Variants in RNF212B observed in about 807,000 individuals in gnomAD.
The protein encoded by RNF212B is E3 ubiquitin-protein ligase RNF212B.
In RNF212B, 52 loss-of-function variants were observed where a neutral mutation model predicts 55.5. The ratio of observed to expected loss-of-function variants is 0.94; its 90% CI spans 0.75 to 1.18. RNF212B has a LOEUF of 1.18. RNF212B is among the 50% of genes most tolerant of loss of function. The probability of loss-of-function intolerance (pLI) is 0.00; values close to 1 mark genes in which losing one functional copy is unlikely to be tolerated. For synonymous variants in RNF212B, 99 were observed against 121.4 expected (o/e 0.82, Z 1.21); for missense variants, 289 against 350.4 (o/e 0.82, Z 1.40).
intron 2 of RNF212B, among the ~76,000 whole-genome samples, chr14:23,222,904 A>G (rs1881688142): frequency 6.6e-6 from 1 of 152,014 alleles, no homozygotes; most frequent in Non-Finnish European, 1.5e-5. Flanking sequence ...AATACAAAAA[A>G]TTAGCCGGGC....
chr14:23,254,194 A>T (rs1424531063), intron 4 of RNF212B, among the ~76,000 whole-genome samples: 1 of 151,818 alleles, frequency 6.6e-6, no homozygotes, highest in Non-Finnish European at 1.5e-5. Context: ...CTGAAGTGGG[A>T]GGATCACTTG....
upstream of RNF212B, among the ~76,000 whole-genome samples, chr14:23,235,132 A>G (rs893518542): frequency 5.9e-5 from 9 of 152,040 alleles, no homozygotes; most frequent in Non-Finnish European, 8.8e-5. Flanking sequence ...GAATTGCTTG[A>G]ACCCAGTGGG....
At chr14:23,198,710 A>T (rs540566529) in intron 2 of RNF212B, among the ~76,000 whole-genome samples, 1 of 151,810 alleles carries the variant, frequency 6.6e-6, no homozygotes, top group Non-Finnish European at 1.5e-5. Flanking sequence ...TGTAAACACT[A>T]TACTCTAGCT....
At chr14:23,244,202 C>T (rs1376570379) in intron 3 of RNF212B, 120 bp from the exon 4 acceptor site, 1 of 529,060 alleles carries the variant, frequency 1.9e-6, no homozygotes, top group African/African-American at 2.0e-5. Flanking sequence ...CTCCCTTTTA[C>T]ACACAGTGGA....
Position 23,265,063 on chromosome 14 carries a change from C to T in RNF212B, c.634+392C>T, listed in dbSNP as rs145535510. 9.4e-4 allele frequency among the ~76,000 whole-genome samples: 143 copies of T among 152,284 alleles called. No homozygotes were observed. The East Asian group carries it at 0.025, about 27-fold the overall frequency. On this transcript the variant is annotated intron_variant, in intron 11 of 14. Transcript: ENST00000430154. The stretch of plus-strand genomic sequence containing the variant: ...CTCGAACTCCTGACCTCAGGTGATC[C>T]GCCTTCCTCGGCCTCCCAAAGTGTT...
intron 9 of RNF212B, 52 bp from the exon 10 acceptor site, chr14:23,264,122 A>G (rs1885505776): frequency 2.8e-6 from 4 of 1,410,088 alleles, no homozygotes; most frequent in Non-Finnish European, 3.9e-6. Flanking sequence ...CAACAATAAA[A>G]AGTAAAACTA....
rs575138194 is a variant in RNF212B, at chr14:23,273,090, G to A, written c.*199G>A. The A allele has an allele frequency of 2.7e-5, 11 of 409,124 alleles. No individual in the cohort carries two copies. The South Asian group carries it at 6.6e-4, about 24-fold the overall frequency. 25.3% of individuals were successfully genotyped at this position (409,124 alleles called of 1,614,324 possible). On this transcript the variant is annotated 3_prime_UTR_variant, in exon 15 of 15. Coordinates refer to ENST00000430154, the MANE Select transcript of RNF212B (RefSeq NM_001282322.3). ...TGGTCAGGTCTTACAAAAGGCTAGTGCTTCAGGAAGATGTTTATATCTCTT... is the reference window on the plus strand; with the variant it reads ...TGGTCAGGTCTTACAAAAGGCTAGTACTTCAGGAAGATGTTTATATCTCTT...
intron 4 of RNF212B, among the ~76,000 whole-genome samples, chr14:23,248,462 G>A (rs542705143): frequency 2.5e-4 from 23 of 92,786 alleles, no homozygotes; most frequent in African/African-American, 8.8e-4. Flanking sequence ...TTTTTTTTGA[G>A]ACAGAGTCTT....
intron 2 of RNF212B, among the ~76,000 whole-genome samples, chr14:23,214,205 A>G (rs986632578): frequency 1.3e-5 from 2 of 152,196 alleles, no homozygotes; most frequent in African/African-American, 4.8e-5. Context: ...ATACAAAGAA[A>G]AACTAAGGCT....
chr14:23,203,257 C>G (rs1262045714), intron 2 of RNF212B, among the ~76,000 whole-genome samples: 1 of 152,008 alleles, frequency 6.6e-6, no homozygotes, highest in South Asian at 2.1e-4. Flanking sequence ...CATTCCTGGG[C>G]TACTTCACTT....
At chr14:23,252,037 A>G (rs1008731104) in intron 4 of RNF212B, among the ~76,000 whole-genome samples, 3 of 148,536 alleles carry the variant, frequency 2.0e-5, no homozygotes, top group Non-Finnish European at 3.0e-5. Context: ...AGAATTTGTC[A>G]TTGGCGATTG....
chr14:23,228,861 C>T (rs934788699), intron 2 of RNF212B, among the ~76,000 whole-genome samples: 5 of 152,024 alleles, frequency 3.3e-5, no homozygotes, highest in South Asian at 2.1e-4. Context: ...CTTTTTATTT[C>T]GGTAAAATAT....
upstream of RNF212B, among the ~76,000 whole-genome samples, chr14:23,235,315 A>G (rs935970706): frequency 6.6e-6 from 1 of 152,010 alleles, no homozygotes; most frequent in African/African-American, 2.4e-5. Flanking sequence ...GTGCCACTAA[A>G]CTCTAGCCTG....
chr14:23,219,882 C>CA (rs1881407454), intron 2 of RNF212B, among the ~76,000 whole-genome samples: 1 of 151,882 alleles, frequency 6.6e-6, no homozygotes, highest in African/African-American at 2.4e-5. Flanking sequence ...AACCTCAAAT[C>CA]AAAAAAACAC....
At chr14:23,237,782 C>T (rs1261522691), upstream of RNF212B, among the ~76,000 whole-genome samples, 1 of 152,188 alleles carries the variant, frequency 6.6e-6, no homozygotes, top group African/African-American at 2.4e-5. Flanking sequence ...AAGTCTCCTA[C>T]ACCCCTCTCC....
chr14:23,216,135 A>G (rs1881050083), intron 2 of RNF212B, among the ~76,000 whole-genome samples: 1 of 152,018 alleles, frequency 6.6e-6, no homozygotes, highest in Non-Finnish European at 1.5e-5. Context: ...AGTCCCAGCT[A>G]CTCTGGAGGC....
chr14:23,218,164 C>G (rs988576903), intron 2 of RNF212B, among the ~76,000 whole-genome samples: 9 of 151,676 alleles, frequency 5.9e-5, no homozygotes, highest in Non-Finnish European at 1.3e-4. Context: ...GTCAGGAGAT[C>G]GAGACCCTCT....
intron 2 of RNF212B, among the ~76,000 whole-genome samples, chr14:23,207,108 C>G (rs1566395961): frequency 6.6e-6 from 1 of 152,100 alleles, no homozygotes; most frequent in Non-Finnish European, 1.5e-5. Flanking sequence ...TCAGCTAGGA[C>G]AAAATGCTGC....
chr14:23,270,261 T>A (rs1885979147), intron 13 of RNF212B, among the ~76,000 whole-genome samples: 1 of 152,200 alleles, frequency 6.6e-6, no homozygotes, highest in South Asian at 2.1e-4. Flanking sequence ...GGGCGCTCAG[T>A]TCTGAGGATT....
Sources: gnomAD v4.1 joint callset for allele counts (sites outside exome capture counted in the v4.1 genomes callset) on GRCh38, gnomAD v4.1.1 for gene constraint, MANE v1.5 for transcripts, NCBI Gene and HGNC (gene_info 2026-07-23, HGNC 2026-07-21) for gene names.